ARB2A: variants seen among roughly 807,000 people sequenced by gnomAD.
ARB2A encodes cotranscriptional regulator ARB2A.
chr5:93,867,698 T>C, the ARB2A span, among the ~76,000 whole-genome samples: 4 of 152,082 alleles, frequency 2.6e-5, no homozygotes, highest in Non-Finnish European at 5.9e-5. Context: ...GAAAAGCAAA[T>C]TCAGGTATAA....
At chr5:93,618,980 G>C in the ARB2A span, 8 of 152,116 alleles carry the variant, frequency 5.3e-5, no homozygotes, top group African/African-American at 1.9e-4. Context: ...TTTTATAAAT[G>C]CTATAAAATT....
the ARB2A span, among the ~76,000 whole-genome samples, chr5:93,961,828 A>C: frequency 3.9e-5 from 6 of 152,222 alleles, no homozygotes; most frequent in African/African-American, 1.2e-4. Context: ...AAATATGAGA[A>C]TATCAGAATA....
At chr5:93,961,664 C>T in the ARB2A span, among the ~76,000 whole-genome samples, 7 of 151,778 alleles carry the variant, frequency 4.6e-5, no homozygotes, top group South Asian at 1.2e-3. Context: ...GCTTGTGCAA[C>T]AGAGTGAGAC....
the ARB2A span, among the ~76,000 whole-genome samples, chr5:93,853,809 C>T: frequency 6.6e-6 from 1 of 152,080 alleles, no homozygotes; most frequent in Non-Finnish European, 1.5e-5. Flanking sequence ...GGATGAAGCC[C>T]ACTTGATCAT....
At chr5:93,886,066 C>T in the ARB2A span, among the ~76,000 whole-genome samples, 1 of 151,622 alleles carries the variant, frequency 6.6e-6, no homozygotes, top group East Asian at 1.9e-4. Flanking sequence ...ATAGATAAAA[C>T]ATTAAAATGC....
the ARB2A span, among the ~76,000 whole-genome samples, chr5:93,801,167 A>G: frequency 6.6e-6 from 1 of 152,164 alleles, no homozygotes; most frequent in Non-Finnish European, 1.5e-5. Flanking sequence ...ACAGCTGGCA[A>G]GGGATCTAAG....
the ARB2A span, among the ~76,000 whole-genome samples, chr5:93,880,700 T>C: frequency 1.3e-5 from 2 of 151,720 alleles, no homozygotes; most frequent in Non-Finnish European, 3.0e-5. Flanking sequence ...AGTATGCATG[T>C]CAACATTCTG....
At chr5:93,881,546 G>A in the ARB2A span, 1 of 1,590,482 alleles carries the variant, frequency 6.3e-7, no homozygotes, top group South Asian at 1.1e-5. Flanking sequence ...TCGCTTCTTT[G>A]TTTCTTTAGA....
chr5:93,846,046 A>G, the ARB2A span, among the ~76,000 whole-genome samples: 1 of 148,746 alleles, frequency 6.7e-6, no homozygotes, highest in East Asian at 2.0e-4. Context: ...CAATCACACA[A>G]CCAGACAGTG....
chr5:93,981,474 A>C, the ARB2A span, among the ~76,000 whole-genome samples: 1 of 152,094 alleles, frequency 6.6e-6, no homozygotes, highest in Non-Finnish European at 1.5e-5. Context: ...AGAACAATGT[A>C]CTTAACAAAT....
At chr5:93,976,117 T>C in the ARB2A span, among the ~76,000 whole-genome samples, 2 of 152,194 alleles carry the variant, frequency 1.3e-5, no homozygotes, top group East Asian at 1.9e-4. Context: ...ATTCATTACA[T>C]AAATAGAATT....
chr5:94,011,747 T>C, the ARB2A span, among the ~76,000 whole-genome samples: 8 of 151,762 alleles, frequency 5.3e-5, no homozygotes, highest in African/African-American at 1.9e-4. Flanking sequence ...CTGAATAAAA[T>C]ACTCAAGTGA....
chr5:93,876,659 A>G, the ARB2A span, among the ~76,000 whole-genome samples: 1 of 152,044 alleles, frequency 6.6e-6, no homozygotes, highest in Admixed American at 6.6e-5. Flanking sequence ...GATACTAGAG[A>G]AAAGAAAATC....
the ARB2A span, among the ~76,000 whole-genome samples, chr5:93,844,130 A>G: frequency 6.6e-6 from 1 of 151,766 alleles, no homozygotes; most frequent in Admixed American, 6.6e-5. Flanking sequence ...CAAAAAAAAA[A>G]ACAAAAAAAA....
At chr5:94,062,733 T>C in the ARB2A span, among the ~76,000 whole-genome samples, 3 of 152,244 alleles carry the variant, frequency 2.0e-5, no homozygotes, top group East Asian at 1.9e-4. Context: ...CCAGCCCCTA[T>C]AGAGCTGCAT....
chr5:93,986,011 T>C, the ARB2A span, among the ~76,000 whole-genome samples: 1 of 140,128 alleles, frequency 7.1e-6, no homozygotes, highest in East Asian at 2.2e-4. Context: ...TCGTCTGGGA[T>C]GTGGGGAGCG....
chr5:93,774,134 C>A, the ARB2A span, among the ~76,000 whole-genome samples: 1 of 152,056 alleles, frequency 6.6e-6, no homozygotes, highest in South Asian at 2.1e-4. Flanking sequence ...CAAACTGTAC[C>A]CATAGAAGAC....
chr5:93,784,363 T>TAA, the ARB2A span: 1 of 1,579,358 alleles, frequency 6.3e-7, no homozygotes, highest in Non-Finnish European at 8.7e-7. Flanking sequence ...ATCTCAGCAC[T>TAA]AAAAAAAACC....
chr5:94,107,345 C>T, the ARB2A span, among the ~76,000 whole-genome samples: 1 of 151,936 alleles, frequency 6.6e-6, no homozygotes, highest in African/African-American at 2.4e-5. Context: ...TCTGCCATCT[C>T]ATCTGCAGTA....
Sources: gnomAD v4.1 joint callset for allele counts (sites outside exome capture counted in the v4.1 genomes callset) on GRCh38, gnomAD v4.1.1 for gene constraint, MANE v1.5 for transcripts, NCBI Gene and HGNC (gene_info 2026-07-23, HGNC 2026-07-21) for gene names.